The following EYS variants were observed in gnomAD, a reference collection of about 807,000 sequenced individuals.
EYS encodes the protein EGF-like photoreceptor maintenance factor, also known as protein eyes shut homolog.
A neutral mutation model predicts 282.1 loss-of-function variants in EYS; 250 were observed. The observed-to-expected ratio is 0.89, with a 90% CI of 0.80 to 0.98. EYS has a LOEUF of 0.98. Ranked by LOEUF, EYS falls within the 50% of genes least tolerant of loss-of-function variation. The pLI is 0.00. For missense variants in EYS, 4,016 were observed against 3,709.0 expected (o/e 1.08, Z -2.15); for synonymous variants, 1,355 against 1,282.9 (o/e 1.06, Z -1.20).
At chr6:65,384,714 G>T (rs1765735460) in intron 7 of EYS, among the ~76,000 whole-genome samples, 1 of 151,776 alleles carries the variant, frequency 6.6e-6, no homozygotes, top group Non-Finnish European at 1.5e-5. Context: ...TGCTCTTAAT[G>T]ATCTCTTTTG....
At chr6:64,549,023 T>G (rs1270398753) in intron 26 of EYS, among the ~76,000 whole-genome samples, 1 of 152,172 alleles carries the variant, frequency 6.6e-6, no homozygotes, top group Non-Finnish European at 1.5e-5. Context: ...CATGTTTGAT[T>G]TGAGAAGCAC....
At chr6:64,950,792 C>CATATATATATAAATATATATATAT (rs762177788) in intron 14 of EYS, among the ~76,000 whole-genome samples, 1 of 60,914 alleles carries the variant, frequency 1.6e-5, no homozygotes, top group Non-Finnish European at 3.0e-5. Flanking sequence ...TACACATATA[C>CATATATATATAAATATATATATAT]ATATACATAT....
intron 24 of EYS, among the ~76,000 whole-genome samples, chr6:64,605,034 G>A (rs1766879853): frequency 6.6e-6 from 1 of 151,948 alleles, no homozygotes; most frequent in Non-Finnish European, 1.5e-5. Flanking sequence ...AGTCATGACT[G>A]GCTTACCACT....
At chr6:63,754,780 A>G (rs1336486147) in intron 41 of EYS, among the ~76,000 whole-genome samples, 1 of 152,200 alleles carries the variant, frequency 6.6e-6, no homozygotes, top group Non-Finnish European at 1.5e-5. Flanking sequence ...GTCTTCTACA[A>G]TGGTTGAACT....
chr6:65,199,140 A>G (rs11968810), intron 12 of EYS, among the ~76,000 whole-genome samples: 36,411 of 152,016 alleles, frequency 0.24, 4,528 homozygotes, highest in Middle Eastern at 0.28. Context: ...ATCTACCCCA[A>G]TGAGATGCTT....
At chr6:64,617,267 T>C (rs1230081083) in intron 24 of EYS, 151 bp downstream of exon 24, 1 of 601,236 alleles carries the variant, frequency 1.7e-6, no homozygotes, top group East Asian at 2.9e-5. Flanking sequence ...GAAAGAGGAA[T>C]GCCGAGAAAA....
chr6:64,045,902 C>CATATGTTTATT (rs1770600638), intron 33 of EYS, among the ~76,000 whole-genome samples: 2 of 125,122 alleles, frequency 1.6e-5, no homozygotes, highest in Non-Finnish European at 3.3e-5. Context: ...ATATATAATA[C>CATATGTTTATT]ATATATGTTT....
chr6:64,822,738 T>C lies in EYS; in HGVS notation c.3077A>G (p.Tyr1026Cys). 2 of 1,550,048 alleles carry C rather than the reference T, an allele frequency of 1.3e-6. No homozygotes were observed. The highest frequency in any genetic ancestry group is 1.7e-6 in the Non-Finnish European group (2 of 1,145,900). The change falls in exon 20 of 43, where the codon TAT (tyrosine) becomes TGT (cysteine). Residue 1026 changes from tyrosine (Y) to cysteine (C), a missense_variant. By Grantham distance (194) the Tyr-to-Cys change is radical. Coordinates refer to ENST00000503581, the MANE Select transcript of EYS (RefSeq NM_001142800.2). Reference protein sequence around the residue: ...DGVCIDGINHYTCDCKSGFFG... With the variant: ...DGVCIDGINHCTCDCKSGFFG... ...AAACCCACTCTTGCAGTCACAGGTATAATGATTGATGCCATCGATACAAAC... is the reference window on the plus strand; with the variant it reads ...AAACCCACTCTTGCAGTCACAGGTACAATGATTGATGCCATCGATACAAAC...
intron 11 of EYS, among the ~76,000 whole-genome samples, chr6:65,319,706 G>C (rs1338002732): frequency 6.6e-6 from 1 of 152,110 alleles, no homozygotes; most frequent in East Asian, 1.9e-4. Flanking sequence ...ATGGATGGTT[G>C]GTTGAAAGAG....
At chr6:65,542,484 T>C (rs2127322591) in intron 2 of EYS, among the ~76,000 whole-genome samples, 1 of 151,580 alleles carries the variant, frequency 6.6e-6, no homozygotes, top group African/African-American at 2.4e-5. Context: ...TGTGTGTGTG[T>C]GTGTGTGTGT....
chr6:64,415,289 C>A (rs1774024832), intron 28 of EYS, among the ~76,000 whole-genome samples: 1 of 152,170 alleles, frequency 6.6e-6, no homozygotes. Flanking sequence ...ACAACATAGG[C>A]CTTATGTCTT....
At chr6:64,751,772 C>G (rs533911770) in intron 22 of EYS, among the ~76,000 whole-genome samples, 1 of 152,264 alleles carries the variant, frequency 6.6e-6, no homozygotes, top group African/African-American at 2.4e-5. Flanking sequence ...ATAAACTTGC[C>G]AAGACCTCTG....
At position 64,620,802 on chromosome 6, in the gene EYS, A is replaced by G. The variant is rs1767422369; in HGVS notation, c.3569-3269T>C. Among the ~76,000 whole-genome samples the G allele has an allele frequency of 3.3e-5, 5 of 152,360 alleles. No homozygotes were observed. The South Asian group carries it at 1.0e-3, about 32-fold the overall frequency. Reference sequence around the variant, plus strand: ...TAAGGTAACCAAATATTCAGAAAATAGTTTGGTAACTGAAAACAAAAACCA... The same window carrying G: ...TAAGGTAACCAAATATTCAGAAAATGGTTTGGTAACTGAAAACAAAAACCA... On this transcript the variant is annotated intron_variant, in intron 23 of 42. Coordinates refer to ENST00000503581, the MANE Select transcript of EYS (RefSeq NM_001142800.2).
chr6:64,097,940 A>ATAC (rs1453281209), intron 31 of EYS, among the ~76,000 whole-genome samples: 1 of 152,236 alleles, frequency 6.6e-6, no homozygotes, highest in Non-Finnish European at 1.5e-5. Flanking sequence ...TACCTCATGA[A>ATAC]TACTAGGAAA....
chr6:65,394,630 T>TTAAAGG (rs1304731280), intron 7 of EYS, among the ~76,000 whole-genome samples: 1 of 152,134 alleles, frequency 6.6e-6, no homozygotes, highest in Non-Finnish European at 1.5e-5. Context: ...CAACCCACTA[T>TTAAAGG]GATCTACCTT....
intron 24 of EYS, among the ~76,000 whole-genome samples, chr6:64,594,852 T>A (rs992173998): frequency 4.0e-5 from 6 of 151,100 alleles, no homozygotes; most frequent in African/African-American, 7.3e-5. Context: ...ATAATAAAAT[T>A]TAAAAAATTA....
chr6:65,310,452 C>G (rs2150298110), intron 11 of EYS, among the ~76,000 whole-genome samples: 1 of 152,190 alleles, frequency 6.6e-6, no homozygotes, highest in East Asian at 1.9e-4. Flanking sequence ...AGTACCCACA[C>G]TCTTGTGAAG....
chr6:64,216,470 T>C (rs1280237470), intron 31 of EYS, among the ~76,000 whole-genome samples: 1 of 152,170 alleles, frequency 6.6e-6, no homozygotes, highest in African/African-American at 2.4e-5. Context: ...AACACAAGGA[T>C]ACTCTACTGT....
At chr6:65,000,253 A>G (rs1351099359) in intron 13 of EYS, among the ~76,000 whole-genome samples, 1 of 151,658 alleles carries the variant, frequency 6.6e-6, no homozygotes, top group East Asian at 1.9e-4. Flanking sequence ...GCAAGGGGGA[A>G]AAAGGACCTT....
Sources: allele counts gnomAD v4.1 joint callset (sites outside exome capture counted in the v4.1 genomes callset), GRCh38; gene constraint gnomAD v4.1.1; transcripts MANE v1.5; gene names NCBI Gene and HGNC (gene_info 2026-07-23, HGNC 2026-07-21).